The following BNC2 variants were observed in gnomAD, a reference collection of about 807,000 sequenced individuals.
BNC2 encodes the protein basonuclin zinc finger protein 2, also known as zinc finger protein basonuclin-2.
BNC2 carries 20 observed loss-of-function variants against 76.3 expected under a neutral mutation model. That is an observed-to-expected ratio of 0.26 (90% CI 0.18 to 0.38). BNC2 has a LOEUF of 0.38. Ranked by LOEUF, BNC2 falls within the 10% of genes least tolerant of loss-of-function variation. The pLI, the probability that BNC2 is intolerant of heterozygous loss-of-function variation, is 1.00. For missense variants in BNC2, 1,382 were observed against 1,399.8 expected (o/e 0.99, Z 0.20); for synonymous variants, 582 against 514.8 (o/e 1.13, Z -1.77).
At chr9:16,668,015 G>A (rs200048627) in intron 3 of BNC2, among the ~76,000 whole-genome samples, 4 of 152,164 alleles carry the variant, frequency 2.6e-5, no homozygotes, top group Non-Finnish European at 4.4e-5. Flanking sequence ...TATTAGGTAC[G>A]TTCCTACTAA....
chr9:16,782,713 G>A (rs188089543), intron 1 of BNC2, among the ~76,000 whole-genome samples: 211 of 152,258 alleles, frequency 1.4e-3, no homozygotes, highest in African/African-American at 4.8e-3. Flanking sequence ...ATCATAGTAC[G>A]TGGTACTGTG....
At chr9:16,456,786 T>C (rs1347564343) in intron 5 of BNC2, among the ~76,000 whole-genome samples, 1 of 152,036 alleles carries the variant, frequency 6.6e-6, no homozygotes, top group African/African-American at 2.4e-5. Flanking sequence ...AGACATATTC[T>C]AGATAAATAT....
chr9:16,474,138 A>C (rs372296712), intron 5 of BNC2, among the ~76,000 whole-genome samples: 1 of 152,210 alleles, frequency 6.6e-6, no homozygotes, highest in East Asian at 1.9e-4. Context: ...TTTTAACTGC[A>C]CTAACAGAAT....
intron 1 of BNC2, among the ~76,000 whole-genome samples, chr9:16,842,079 G>A (rs997321667): frequency 6.6e-6 from 1 of 152,110 alleles, no homozygotes; most frequent in Admixed American, 6.5e-5. Flanking sequence ...CAAAGTGCTG[G>A]TATTACAGGC....
chr9:16,546,566 C>T (rs1013999635), intron 5 of BNC2, among the ~76,000 whole-genome samples: 1 of 152,014 alleles, frequency 6.6e-6, no homozygotes, highest in Admixed American at 6.6e-5. Context: ...AGGATAAATA[C>T]CAGATCTGGT....
intron 5 of BNC2, among the ~76,000 whole-genome samples, chr9:16,441,507 C>T (rs543806267): frequency 2.0e-5 from 3 of 152,218 alleles, no homozygotes; most frequent in Admixed American, 2.0e-4. Flanking sequence ...AAAAGAAATG[C>T]CAAGTTTTTT....
chr9:16,700,692 G>T (rs1823484248), intron 3 of BNC2, among the ~76,000 whole-genome samples: 3 of 152,156 alleles, frequency 2.0e-5, no homozygotes, highest in Admixed American at 1.3e-4. Context: ...AGGTGCAGTG[G>T]CTCATGCCTG....
chr9:16,458,244 C>T (rs776202967), intron 5 of BNC2, among the ~76,000 whole-genome samples: 2 of 152,160 alleles, frequency 1.3e-5, no homozygotes, highest in South Asian at 2.1e-4. Context: ...CTTTAGAGAG[C>T]AGCCATCAAA....
chr9:16,502,267 C>T (rs1169720674), intron 5 of BNC2, among the ~76,000 whole-genome samples: 1 of 152,144 alleles, frequency 6.6e-6, no homozygotes, highest in Non-Finnish European at 1.5e-5. Context: ...GGAAGGATCA[C>T]TTGAATTCAG....
rs1032148059 is a variant in BNC2 at position 16,822,471 on chromosome 9, T to A, written c.3+48175A>T. 2.0e-5 allele frequency among the ~76,000 whole-genome samples: 3 copies of A among 151,970 alleles called. No homozygotes were observed. The South Asian group carries it at 6.2e-4, about 32-fold the overall frequency. On this transcript the variant is annotated intron_variant, in intron 1 of 6. Transcript: ENST00000380672. ...ACTCTCAGTGGTATTTAAAGTAGGGTTAGTACAGCCATCTAGAGTGAACTA... is the reference window on the plus strand; with the variant it reads ...ACTCTCAGTGGTATTTAAAGTAGGGATAGTACAGCCATCTAGAGTGAACTA...
At chr9:16,800,178 T>A (rs1164968943) in intron 1 of BNC2, among the ~76,000 whole-genome samples, 1 of 151,392 alleles carries the variant, frequency 6.6e-6, no homozygotes. Flanking sequence ...TGAGCCGAGA[T>A]TGCACCACTG....
At chr9:16,646,213 G>C (rs1005583219) in intron 3 of BNC2, among the ~76,000 whole-genome samples, 2 of 152,192 alleles carry the variant, frequency 1.3e-5, no homozygotes, top group African/African-American at 4.8e-5. Flanking sequence ...CTGAGAATTT[G>C]GGATGGGCAT....
chr9:16,692,110 G>A (rs984439226), intron 3 of BNC2, among the ~76,000 whole-genome samples: 5 of 152,000 alleles, frequency 3.3e-5, no homozygotes, highest in Non-Finnish European at 7.4e-5. Flanking sequence ...TGCACCCGGC[G>A]GGTTCTTATA....
chr9:16,716,652 C>T (rs1824004955), intron 3 of BNC2, among the ~76,000 whole-genome samples: 1 of 152,162 alleles, frequency 6.6e-6, no homozygotes, highest in Non-Finnish European at 1.5e-5. Flanking sequence ...TGACGTATTA[C>T]TACAGTACAG....
chr9:16,544,351 G>A (rs1047547486), intron 5 of BNC2, among the ~76,000 whole-genome samples: 1 of 151,886 alleles, frequency 6.6e-6, no homozygotes, highest in African/African-American at 2.4e-5. Flanking sequence ...TATTTCAAAG[G>A]CTGTTTTAAA....
intron 1 of BNC2, among the ~76,000 whole-genome samples, chr9:16,797,316 C>T (rs78530219): frequency 0.013 from 1,922 of 152,258 alleles, 17 homozygotes; most frequent in Middle Eastern, 0.051. Context: ...CTCCACTATA[C>T]AATGGAAAGG....
chr9:16,421,365 G>T (rs568004878), intron 6 of BNC2: 2 of 1,027,218 alleles, frequency 1.9e-6, no homozygotes, highest in South Asian at 2.8e-5. Flanking sequence ...GAGAGAGAGA[G>T]AAAACAAATT....
chr9:16,592,793 T>G (rs1563854117), intron 3 of BNC2, among the ~76,000 whole-genome samples: 1 of 152,144 alleles, frequency 6.6e-6, no homozygotes, highest in Admixed American at 6.5e-5. Flanking sequence ...GGAGACATAA[T>G]GCAGCACATC....
At chr9:16,464,163 C>A (rs1182631191) in intron 5 of BNC2, among the ~76,000 whole-genome samples, 3 of 150,578 alleles carry the variant, frequency 2.0e-5, no homozygotes, top group Non-Finnish European at 3.0e-5. Context: ...TAGTAGTAGA[C>A]CCTAATAATA....
Sources: gnomAD v4.1 joint callset for allele counts (sites outside exome capture counted in the v4.1 genomes callset) on GRCh38, gnomAD v4.1.1 for gene constraint, MANE v1.5 for transcripts, NCBI Gene and HGNC (gene_info 2026-07-23, HGNC 2026-07-21) for gene names.